SEC24D: variants seen among roughly 807,000 people sequenced by gnomAD.
SEC24D encodes the protein protein transport protein Sec24D.
SEC24D carries 69 observed loss-of-function variants against 116.9 expected under a neutral mutation model. The observed-to-expected ratio is 0.59, with a 90% confidence interval of 0.49 to 0.72. SEC24D has a LOEUF of 0.72. Ranked by LOEUF, SEC24D falls within the 30% of genes least tolerant of loss-of-function variation. The pLI is 0.00. For synonymous variants in SEC24D, 405 were observed against 442.8 expected (o/e 0.91, Z 1.07); for missense variants, 1,131 against 1,264.1 (o/e 0.89, Z 1.60).
rs1211714042 is a variant in SEC24D at position 118,731,343 on chromosome 4, T to C, written c.2841A>G (p.Pro947=). 2.5e-6 allele frequency: 4 copies of C among 1,613,956 alleles called. No homozygotes were observed. The highest frequency in any genetic ancestry group is 3.4e-6 in the Non-Finnish European group (4 of 1,179,928). Residue 947 remains proline (P), a synonymous_variant, in exon 21 of 23, where the codon CCA becomes CCG. Transcript: ENST00000280551. ...TATCTGTGTTGATATGTGCAAAAGA[T>C]GGCACATTAAATATTCCTTGGATCA... ...PELIQGIFNV[P]SFAHINTDMT...
chr4:118,810,687 G>T (rs1241778608), intron 6 of SEC24D, among the ~76,000 whole-genome samples: 2 of 152,212 alleles, frequency 1.3e-5, no homozygotes, highest in African/African-American at 4.8e-5. Flanking sequence ...CTGAGAACAT[G>T]AATTTTTAAT....
In SEC24D at chr4:118,805,942, C is replaced by T. The variant is rs764418396; in HGVS notation, c.814G>A (p.Glu272Lys). ...DSIPSPIQVI[E>K]NDRASRGGQV... is the part of the protein sequence containing the mutation. ...CCTCCTCTGCTGGCTCTATCATTCTCAATCACCTGGATCTGATAAATAAGA... is the reference window on the plus strand; with the variant it reads ...CCTCCTCTGCTGGCTCTATCATTCTTAATCACCTGGATCTGATAAATAAGA... The change falls in exon 7 of 23, where the codon GAG (glutamate) becomes AAG (lysine). Residue 272 changes from glutamate (E) to lysine (K), a missense_variant. Transcript: ENST00000280551. The T allele has an allele frequency of 6.3e-7, 1 of 1,597,180 alleles. No individual in the cohort carries two copies. The highest frequency in any genetic ancestry group is 2.3e-5 in the East Asian group (1 of 44,096).
intron 7 of SEC24D, among the ~76,000 whole-genome samples, chr4:118,799,547 C>T (rs1326518819): frequency 6.6e-6 from 1 of 152,022 alleles, no homozygotes; most frequent in Non-Finnish European, 1.5e-5. Context: ...TTAAAACCAC[C>T]AAGGGAATAA....
At chr4:118,813,422 G>C (rs760805978) in intron 6 of SEC24D, among the ~76,000 whole-genome samples, 7 of 152,244 alleles carry the variant, frequency 4.6e-5, no homozygotes, top group Non-Finnish European at 8.8e-5. Context: ...AGACGTCCCA[G>C]GTTGAGGGGC....
chr4:118,774,265 T>C (rs1367693065), intron 8 of SEC24D, among the ~76,000 whole-genome samples: 1 of 152,228 alleles, frequency 6.6e-6, no homozygotes, highest in South Asian at 2.1e-4. Flanking sequence ...TGTATTAGAT[T>C]TGGATACCTC....
chr4:118,743,869 C>T, intron 15 of SEC24D, 119 bp downstream of exon 15: 1 of 905,120 alleles, frequency 1.1e-6, no homozygotes, highest in Non-Finnish European at 1.6e-6. Context: ...TTTCCATCTG[C>T]TCTTGAATTT....
At chr4:118,724,875 A>G (rs1281688010) in intron 22 of SEC24D, among the ~76,000 whole-genome samples, 1 of 152,184 alleles carries the variant, frequency 6.6e-6, no homozygotes, top group African/African-American at 2.4e-5. Flanking sequence ...GGTATTTCTC[A>G]CTTCTTCCTC....
intron 3 of SEC24D, among the ~76,000 whole-genome samples, chr4:118,823,934 T>G (rs1730497186): frequency 6.6e-6 from 1 of 152,150 alleles, no homozygotes; most frequent in East Asian, 1.9e-4. Context: ...AAGCACCCAT[T>G]GGCACTGAGC....
intron 19 of SEC24D, among the ~76,000 whole-genome samples, chr4:118,734,383 T>A (rs1312508076): frequency 6.6e-6 from 1 of 151,828 alleles, no homozygotes; most frequent in Non-Finnish European, 1.5e-5. Flanking sequence ...CGGCTAACTT[T>A]TGTTTTTTTA....
At chr4:118,768,386 T>C (rs1727743635) in intron 8 of SEC24D, 75 bp from the exon 9 acceptor site, 7 of 1,177,150 alleles carry the variant, frequency 5.9e-6, no homozygotes, top group Non-Finnish European at 7.0e-6. Flanking sequence ...GGAAGTCTTT[T>C]AATGGCACTT....
At chr4:118,806,091 A>T (rs1729663541) in intron 6 of SEC24D, 137 bp from the exon 7 acceptor site, 1 of 606,966 alleles carries the variant, frequency 1.6e-6, no homozygotes, top group South Asian at 2.1e-5. Context: ...ATGCACACAC[A>T]GTCTCACACA....
intron 1 of SEC24D, 27 bp from the exon 2 acceptor site, chr4:118,833,764 T>G: frequency 2.8e-6 from 3 of 1,062,280 alleles, no homozygotes; most frequent in Non-Finnish European, 2.8e-6. Flanking sequence ...AGAAACATGT[T>G]ACCAAGACAG....
chr4:118,732,667 G>T, intron 20 of SEC24D, 66 bp downstream of exon 20: 7 of 1,454,540 alleles, frequency 4.8e-6, no homozygotes, highest in East Asian at 2.3e-5. Flanking sequence ...TATAACATAC[G>T]GGAAAGCACA....
intron 13 of SEC24D, among the ~76,000 whole-genome samples, chr4:118,746,323 G>T (rs370455826): frequency 6.6e-6 from 1 of 151,836 alleles, no homozygotes; most frequent in Non-Finnish European, 1.5e-5. Flanking sequence ...GGAAGGGTAA[G>T]AAACAGTGAG....
At chr4:118,801,278 T>C (rs1282257723) in intron 7 of SEC24D, among the ~76,000 whole-genome samples, 1 of 147,384 alleles carries the variant, frequency 6.8e-6, no homozygotes, top group Non-Finnish European at 1.5e-5. Flanking sequence ...AAAAAAAAAA[T>C]CGAACTTTTT....
chr4:118,736,668 T>C, intron 19 of SEC24D: 1 of 184,958 alleles, frequency 5.4e-6, no homozygotes, highest in South Asian at 8.2e-5. Context: ...AATCTCCACA[T>C]TTTCTAGACT....
At chr4:118,772,984 C>T (rs1727972402) in intron 8 of SEC24D, among the ~76,000 whole-genome samples, 1 of 152,054 alleles carries the variant, frequency 6.6e-6, no homozygotes, top group Admixed American at 6.6e-5. Flanking sequence ...TGGTCCACTA[C>T]CCACTCTCCT....
chr4:118,776,284 C>T (rs942783496), intron 8 of SEC24D, among the ~76,000 whole-genome samples: 1 of 152,110 alleles, frequency 6.6e-6, no homozygotes, highest in African/African-American at 2.4e-5. Flanking sequence ...CTAGGAGATT[C>T]GTCTCTTGGA....
chr4:118,770,274 T>C (rs745786390), intron 8 of SEC24D, among the ~76,000 whole-genome samples: 12 of 152,208 alleles, frequency 7.9e-5, no homozygotes, highest in Non-Finnish European at 1.6e-4. Context: ...ATGTTTGTTC[T>C]CTTCAGCTGG....
Sources: allele counts gnomAD v4.1 joint callset (sites outside exome capture counted in the v4.1 genomes callset), GRCh38; gene constraint gnomAD v4.1.1; transcripts MANE v1.5; gene names NCBI Gene and HGNC (gene_info 2026-07-23, HGNC 2026-07-21).